The following CCSER1 variants were observed in gnomAD, a reference collection of about 807,000 sequenced individuals.
CCSER1 encodes coiled-coil serine rich protein 1, also known as serine-rich coiled-coil domain-containing protein 1.
A neutral mutation model predicts 82.0 loss-of-function variants in CCSER1; 41 were observed. That is an observed-to-expected ratio of 0.50 (90% confidence interval 0.39 to 0.65). CCSER1 has a LOEUF of 0.65. Ranked by LOEUF, CCSER1 falls within the 30% of genes least tolerant of loss-of-function variation. The pLI is 0.00. For synonymous variants in CCSER1, 414 were observed against 383.9 expected, an observed-to-expected ratio of 1.08 and a Z score of -0.92; for missense variants, 1,119 against 1,064.2, an observed-to-expected ratio of 1.05 and a Z score of -0.72.
chr4:90,410,519 T>A (rs1754570255), intron 4 of CCSER1, among the ~76,000 whole-genome samples: 1 of 152,112 alleles, frequency 6.6e-6, no homozygotes, highest in Non-Finnish European at 1.5e-5. Flanking sequence ...AACAACCTGT[T>A]CTGAATGACT....
At chr4:90,489,265 T>C (rs1421346068) in intron 5 of CCSER1, among the ~76,000 whole-genome samples, 1 of 152,160 alleles carries the variant, frequency 6.6e-6, no homozygotes. Flanking sequence ...AGAAATGGTA[T>C]ATGACCTCAA....
chr4:90,322,978 G>C (rs1051915929), intron 3 of CCSER1, among the ~76,000 whole-genome samples: 2 of 152,192 alleles, frequency 1.3e-5, no homozygotes, highest in African/African-American at 4.8e-5. Context: ...AGCAAATGGT[G>C]AATCCTGCCA....
At chr4:91,168,071 G>A (rs34942796) in intron 10 of CCSER1, among the ~76,000 whole-genome samples, 102,552 of 143,254 alleles carry the variant, frequency 0.72, 36,742 homozygotes, top group Non-Finnish European at 0.77. Context: ...CGCCCTGTCT[G>A]GGAGGAAGTG....
chr4:90,642,422 T>G (rs1373035852), intron 6 of CCSER1: 1 of 152,308 alleles, frequency 6.6e-6, no homozygotes, highest in African/African-American at 2.4e-5. Context: ...AATGCACTTA[T>G]TCCTTAACTG....
At chr4:90,537,720 G>T (rs1028620353) in intron 5 of CCSER1, among the ~76,000 whole-genome samples, 76 of 152,046 alleles carry the variant, frequency 5.0e-4, no homozygotes, top group African/African-American at 1.8e-3. Flanking sequence ...TTATCTACTG[G>T]GGTTTTATAC....
Position 90,720,277 on chromosome 4 carries a change from G to A in CCSER1, c.1933-3637G>A, listed in dbSNP as rs1411052381. On this transcript the variant is annotated intron_variant, in intron 6 of 10. Transcript: ENST00000509176. ...TTAGCCATTTCTCCTAGGAGCCCTG[G>A]TTTGTTTTTTAGAAAAAAAAAATTA... Among the ~76,000 whole-genome samples, 5 of 142,868 alleles carry A rather than the reference G, an allele frequency of 3.5e-5. No individual in the cohort carries two copies. The Admixed American group carries it at 3.6e-4, about 10-fold the overall frequency. The allele number at this position is 142,868 out of a possible 152,430, so 93.7% of individuals were successfully genotyped here.
intron 9 of CCSER1, among the ~76,000 whole-genome samples, chr4:91,000,219 GGTATAGTATAGTATAGTATAGTATA>G (rs60452811): frequency 1.2e-3 from 159 of 127,740 alleles, no homozygotes; most frequent in African/African-American, 2.7e-3. Flanking sequence ...GTATAGTATA[GGTATAGTATAGTATAGTATAGTATA>G]GTATAGTATA....
intron 10 of CCSER1, among the ~76,000 whole-genome samples, chr4:91,200,384 C>T (rs1735812118): frequency 6.6e-6 from 1 of 152,000 alleles, no homozygotes; most frequent in South Asian, 2.1e-4. Context: ...CATTCCCTTT[C>T]CATTCAAAGT....
intron 1 of CCSER1, among the ~76,000 whole-genome samples, chr4:90,254,928 CTG>C (rs1722995780): frequency 6.6e-6 from 1 of 151,558 alleles, no homozygotes. Flanking sequence ...ACTAAAATAT[CTG>C]TATGTTTTTT....
intron 9 of CCSER1, among the ~76,000 whole-genome samples, chr4:90,974,687 TTAAAA>T (rs1297597940): frequency 6.6e-6 from 1 of 151,402 alleles, no homozygotes; most frequent in Non-Finnish European, 1.5e-5. Flanking sequence ...CATAGGATAG[TTAAAA>T]TAATAATAAT....
At chr4:90,385,822 T>G (rs1456152822) in intron 3 of CCSER1, among the ~76,000 whole-genome samples, 2 of 152,204 alleles carry the variant, frequency 1.3e-5, no homozygotes, top group African/African-American at 4.8e-5. Flanking sequence ...GTTTGCCCAC[T>G]TTTTAATTGA....
chr4:91,055,395 G>C (rs1743357582), intron 9 of CCSER1, among the ~76,000 whole-genome samples: 1 of 152,076 alleles, frequency 6.6e-6, no homozygotes, highest in African/African-American at 2.4e-5. Flanking sequence ...AAATTATGTA[G>C]GATAATTTTT....
chr4:91,557,466 T>C lies in CCSER1; in HGVS notation c.2218-41106T>C, dbSNP rs561246532. On this transcript the variant is annotated intron_variant, in intron 10 of 10. Coordinates refer to ENST00000509176, the MANE Select transcript of CCSER1 (RefSeq NM_001145065.2). ...CTGAACTTGGGAAGGTAAGATAATC[T>C]AGACTCTGATCCTACTTTCAGAGAA... Among the ~76,000 whole-genome samples, 7 of 151,584 alleles carry C rather than the reference T, an allele frequency of 4.6e-5. No homozygotes were observed. The East Asian group carries it at 1.4e-3, about 29-fold the overall frequency.
chr4:90,329,441 T>A (rs1035106039), intron 3 of CCSER1, among the ~76,000 whole-genome samples: 36 of 152,204 alleles, frequency 2.4e-4, no homozygotes, highest in Admixed American at 2.2e-3. Flanking sequence ...ACAAATAGTA[T>A]TGCCTTTTAA....
intron 4 of CCSER1, among the ~76,000 whole-genome samples, chr4:90,442,586 GT>G (rs1760050245): frequency 6.6e-6 from 1 of 152,148 alleles, no homozygotes. Flanking sequence ...ACTTGATTAG[GT>G]TGTGGGAATT....
intron 10 of CCSER1, among the ~76,000 whole-genome samples, chr4:91,237,006 A>G (rs1739060252): frequency 1.3e-5 from 2 of 152,182 alleles, no homozygotes; most frequent in Admixed American, 1.3e-4. Flanking sequence ...TTTATTCTGG[A>G]ATATTTTTAT....
intron 10 of CCSER1, among the ~76,000 whole-genome samples, chr4:91,225,822 C>T (rs1205415419): frequency 6.6e-6 from 1 of 151,704 alleles, no homozygotes; most frequent in African/African-American, 2.4e-5. Flanking sequence ...TCAGAAAAAA[C>T]CTTTAAAAGG....
In CCSER1 at chr4:90,271,844, ATATATATATATATATATATTTTTT is replaced by A. The variant is rs1297618202; in HGVS notation, c.-41-36398_-41-36375del. 1.8e-4 allele frequency among the ~76,000 whole-genome samples: 4 copies of A among 22,394 alleles called. No homozygotes were observed. The East Asian group carries it at 5.5e-3, about 31-fold the overall frequency. The allele number at this position is 22,394 out of a possible 152,430, so 14.7% of individuals were successfully genotyped here. ...GGACAATTTATATATATATATATAT[ATATATATATATATATATATTTTTT>A]TTTTTTTTTTTTTTTTTTTTTTAAA... On this transcript the variant is annotated intron_variant, in intron 1 of 10. Coordinates refer to ENST00000509176, the MANE Select transcript of CCSER1 (RefSeq NM_001145065.2).
chr4:90,252,060 G>C (rs77294879), intron 1 of CCSER1, among the ~76,000 whole-genome samples: 4,383 of 151,942 alleles, frequency 0.029, 92 homozygotes, highest in Admixed American at 0.055. Flanking sequence ...GATGTGAGAT[G>C]CTTCTTTTTA....
Sources: gnomAD v4.1 joint callset for allele counts (sites outside exome capture counted in the v4.1 genomes callset) on GRCh38, gnomAD v4.1.1 for gene constraint, MANE v1.5 for transcripts, NCBI Gene and HGNC (gene_info 2026-07-23, HGNC 2026-07-21) for gene names.